Variants in ACSS1 observed in about 807,000 individuals in gnomAD.
ACSS1 encodes acyl-CoA synthetase short chain family member 1, also known as acetyl-coenzyme A synthetase 2-like, mitochondrial.
ACSS1 carries 42 observed loss-of-function variants against 75.3 expected under a neutral mutation model. The ratio of observed to expected loss-of-function variants is 0.56; its 90% CI spans 0.44 to 0.72. The LOEUF is 0.72. Ranked by LOEUF, ACSS1 falls within the 30% of genes least tolerant of loss-of-function variation. The pLI is 0.00. For synonymous variants in ACSS1, 380 were observed against 376.8 expected, an observed-to-expected ratio of 1.01 and a Z score of -0.10; for missense variants, 782 against 935.7, an observed-to-expected ratio of 0.84 and a Z score of 2.14.
chr20:25,021,366 C>A, intron 6 of ACSS1, 23 bp downstream of exon 6: 1 of 1,611,572 alleles, frequency 6.2e-7, no homozygotes, highest in South Asian at 1.1e-5. Context: ...CATGGGGTCC[C>A]AAACAGGGTT....
intron 1 of ACSS1, among the ~76,000 whole-genome samples, chr20:25,057,490 G>A (rs897393801): frequency 2.0e-5 from 3 of 152,204 alleles, no homozygotes; most frequent in Non-Finnish European, 2.9e-5. Context: ...GCGAGGAGCC[G>A]CGCCGAGCAA....
chr20:25,045,018 C>A (rs544738494), intron 2 of ACSS1, among the ~76,000 whole-genome samples: 1 of 152,240 alleles, frequency 6.6e-6, no homozygotes, highest in Non-Finnish European at 1.5e-5. Flanking sequence ...CCAGCCAGCA[C>A]GAGGTCCAAC....
chr20:25,023,383 T>G, intron 4 of ACSS1, 83 bp downstream of exon 4: 1 of 1,548,514 alleles, frequency 6.5e-7, no homozygotes, highest in Non-Finnish European at 8.8e-7. Context: ...GGAACCCAAA[T>G]TGAGAACCAC....
chr20:25,035,386 A>G lies in ACSS1; in HGVS notation c.432-4428T>C, dbSNP rs190486230. On this transcript the variant is annotated intron_variant, in intron 2 of 13. Coordinates refer to ENST00000323482, the MANE Select transcript of ACSS1 (RefSeq NM_032501.4). ...TTTATCCCAATCTAATTCTATCTCA[A>G]TTTCTCCCCATCTTTCCAGGTGACT... 2.7e-5 allele frequency among the ~76,000 whole-genome samples: 4 copies of G among 147,800 alleles called. No homozygotes were observed. The East Asian group carries it at 7.9e-4, about 29-fold the overall frequency.
In ACSS1 at chr20:25,030,861, A is replaced by G. The variant is rs1308492612; in HGVS notation, c.529T>C (p.Leu177=). 2 of 1,614,102 alleles carry G rather than the reference A, an allele frequency of 1.2e-6. No individual in the cohort carries two copies. The highest frequency in any genetic ancestry group is 1.3e-5 in the African/African-American group (1 of 74,944). Residue 177 remains leucine, a synonymous_variant, in exon 3 of 14, where the codon TTG becomes CTG. Transcript: ENST00000323482. The part of the protein sequence containing the change: ...RVAIYMPVSP[L]AVAAMLACAR... ...CAGGCCAGCATTGCTGCCACAGCCA[A>G]TGGGGACACGGGCATGTAGATGGCA...
At chr20:25,048,405 T>C (rs2089130494) in intron 1 of ACSS1, among the ~76,000 whole-genome samples, 1 of 152,134 alleles carries the variant, frequency 6.6e-6, no homozygotes, top group Non-Finnish European at 1.5e-5. Context: ...TATTTTGAAG[T>C]GGTTGCTTCA....
intron 1 of ACSS1, among the ~76,000 whole-genome samples, chr20:25,057,481 C>A (rs1248998459): frequency 6.6e-6 from 1 of 152,324 alleles, no homozygotes; most frequent in East Asian, 1.9e-4. Flanking sequence ...GTCCGCCGAG[C>A]GAGGAGCCGC....
At chr20:25,014,150 G>A (rs1600308792) in intron 8 of ACSS1, 77 bp from the exon 9 acceptor site, 1 of 1,245,332 alleles carries the variant, frequency 8.0e-7, no homozygotes, top group Non-Finnish European at 1.1e-6. Flanking sequence ...GGTGGTAGGT[G>A]GGACTGTCCC....
At chr20:25,032,373 C>T in intron 2 of ACSS1, 1 of 1,365,864 alleles carries the variant, frequency 7.3e-7, no homozygotes, top group Admixed American at 3.0e-5. Context: ...ACTTGCCGGC[C>T]ATGCGGTGCG....
rs2088429134 is a variant in ACSS1, at chr20:25,012,595, A to G, written c.1771+6T>C. 1.2e-6 allele frequency: 2 copies of G among 1,614,018 alleles called. No homozygotes were observed. Among genetic ancestry groups the G allele is most frequent in the Admixed American group, 1.7e-5 (1 of 60,004 alleles). On this transcript the variant is annotated splice_donor_region_variant and intron_variant, in intron 12 of 13. Coordinates refer to ENST00000323482, the MANE Select transcript of ACSS1 (RefSeq NM_032501.4). ...TCAGGGAGGAGCTCATCTCCAGGAC[A>G]CTCACCTTCTCCTTTGATGTCGTGG...
intron 6 of ACSS1, 123 bp downstream of exon 6, chr20:25,021,266 G>A: frequency 7.6e-7 from 1 of 1,307,770 alleles, no homozygotes; most frequent in Non-Finnish European, 1.0e-6. Context: ...GCAGGACCTG[G>A]AGAGCCACAC....
At chr20:25,009,133 A>G in intron 13 of ACSS1, 137 bp downstream of exon 13, 1 of 795,876 alleles carries the variant, frequency 1.3e-6, no homozygotes, top group Non-Finnish European at 2.1e-6. Flanking sequence ...CCTCACCACC[A>G]GCCAGGAAAA....
chr20:25,049,294 C>T (rs2089144427), intron 1 of ACSS1, among the ~76,000 whole-genome samples: 1 of 152,140 alleles, frequency 6.6e-6, no homozygotes, highest in South Asian at 2.1e-4. Context: ...TGTTGGGGAG[C>T]TGGGGGTGCT....
At chr20:25,010,296 TTGTC>T (rs1298321763) in intron 12 of ACSS1, 1 of 152,380 alleles carries the variant, frequency 6.6e-6, no homozygotes, top group Admixed American at 6.5e-5. Flanking sequence ...TTCTTGCTCT[TTGTC>T]TGTCTCTCTC....
At chr20:25,009,681 G>A in intron 12 of ACSS1, 1 of 412,466 alleles carries the variant, frequency 2.4e-6, no homozygotes, top group South Asian at 2.6e-5. Flanking sequence ...TGGGACATGG[G>A]ACCTCCCCTC....
intron 2 of ACSS1, chr20:25,046,720 G>A: frequency 1.3e-6 from 1 of 755,970 alleles, no homozygotes; most frequent in Non-Finnish European, 2.5e-6. Flanking sequence ...ACCGTGGCGA[G>A]GGGCAGCTGC....
intron 12 of ACSS1, 131 bp from the exon 13 acceptor site, chr20:25,009,519 G>T: frequency 1.3e-6 from 1 of 742,288 alleles, no homozygotes; most frequent in Non-Finnish European, 2.3e-6. Flanking sequence ...CATTGTAGCA[G>T]CTGGTTTCTT....
chr20:25,030,536 A>G (rs77509289), intron 3 of ACSS1, among the ~76,000 whole-genome samples: 8,384 of 152,076 alleles, frequency 0.055, 322 homozygotes, highest in Middle Eastern at 0.12. Flanking sequence ...GTTCCCTCCA[A>G]CTGGAACTGT....
Position 25,006,746 on chromosome 20 carries a change from A to C in ACSS1, c.*1016T>G, listed in dbSNP as rs1235632624. The C allele has an allele frequency of 7.1e-7, 1 of 1,400,902 alleles. No individual in the cohort carries two copies. Among genetic ancestry groups the C allele is most frequent in the East Asian group, 2.5e-5 (1 of 39,938 alleles). The allele number at this position is 1,400,902 out of a possible 1,614,324, so 86.8% of individuals were successfully genotyped here. A position where few individuals can be genotyped will look rare whatever the true frequency, so the allele number is the denominator to read the frequency against. Reference sequence around the variant, plus strand: ...ACAGCACCTAAGTCACATTAAAACAAAGAGAGACTGGATCCAGACCTCCAA... The same window carrying C: ...ACAGCACCTAAGTCACATTAAAACACAGAGAGACTGGATCCAGACCTCCAA... On this transcript the variant is annotated 3_prime_UTR_variant, in exon 14 of 14. Transcript: ENST00000323482.
Sources: gnomAD v4.1 joint callset for allele counts (sites outside exome capture counted in the v4.1 genomes callset) on GRCh38, gnomAD v4.1.1 for gene constraint, MANE v1.5 for transcripts, NCBI Gene and HGNC (gene_info 2026-07-23, HGNC 2026-07-21) for gene names.